The following CELF2 variants were observed in gnomAD, a reference collection of about 807,000 sequenced individuals.
The protein encoded by CELF2 is CUGBP Elav-like family member 2, also known as CUG triplet repeat RNA-binding protein 2.
CELF2 carries 8 observed loss-of-function variants against 62.6 expected under a neutral mutation model. The ratio of observed to expected loss-of-function variants is 0.13; its 90% CI spans 0.07 to 0.23. The LOEUF is 0.23. Ranked by LOEUF, CELF2 falls within the 10% of genes least tolerant of loss-of-function variation. The probability of loss-of-function intolerance (pLI) is 1.00; values close to 1 mark genes in which losing one functional copy is unlikely to be tolerated. For missense variants in CELF2, 333 were observed against 671.0 expected (o/e 0.50, Z 5.56); for synonymous variants, 258 against 250.0 (o/e 1.03, Z -0.30).
chr10:10,658,570 A>G, the CELF2 span, among the ~76,000 whole-genome samples: 1 of 152,150 alleles, frequency 6.6e-6, no homozygotes, highest in East Asian at 1.9e-4. Context: ...ATCTTGGCCA[A>G]TTTGCTAACT....
chr10:11,184,132 A>G (rs2074226372), intron 2 of CELF2, among the ~76,000 whole-genome samples: 1 of 152,196 alleles, frequency 6.6e-6, no homozygotes, highest in South Asian at 2.1e-4. Context: ...GCATGTGGAT[A>G]TTCAATTGTT....
At chr10:10,612,568 C>A in the CELF2 span, among the ~76,000 whole-genome samples, 1 of 152,182 alleles carries the variant, frequency 6.6e-6, no homozygotes, top group Non-Finnish European at 1.5e-5. Flanking sequence ...TGTTCTGCAG[C>A]AGAAGATGCT....
At chr10:10,785,221 A>G in the CELF2 span, among the ~76,000 whole-genome samples, 2 of 152,174 alleles carry the variant, frequency 1.3e-5, no homozygotes, top group Non-Finnish European at 2.9e-5. Flanking sequence ...TTACATCAGC[A>G]TCACCTGGAA....
At chr10:10,699,863 A>G in the CELF2 span, among the ~76,000 whole-genome samples, 1 of 152,210 alleles carries the variant, frequency 6.6e-6, no homozygotes, top group East Asian at 1.9e-4. Context: ...CCTATTGTGA[A>G]GAATAGAACA....
At chr10:11,317,928 G>A (rs1481628305) in intron 10 of CELF2, 6 of 152,190 alleles carry the variant, frequency 3.9e-5, no homozygotes, top group Non-Finnish European at 7.3e-5. Context: ...GAATGGAGAT[G>A]ATAATAATAA....
chr10:10,551,585 C>T, the CELF2 span, among the ~76,000 whole-genome samples: 6 of 152,124 alleles, frequency 3.9e-5, no homozygotes, highest in African/African-American at 1.4e-4. Flanking sequence ...AGCAAGTGTA[C>T]TAATACTTAG....
chr10:10,945,792 C>T (rs2047602814), intron 2 of CELF2, among the ~76,000 whole-genome samples: 1 of 152,168 alleles, frequency 6.6e-6, no homozygotes, highest in African/African-American at 2.4e-5. Context: ...CCTCAGCAGC[C>T]ACTCCAGGAT....
chr10:10,924,090 G>A (rs926954139), intron 2 of CELF2: 2 of 151,896 alleles, frequency 1.3e-5, no homozygotes, highest in Non-Finnish European at 2.9e-5. Context: ...ATTTTGGATA[G>A]CAAAGTAAAG....
intron 4 of CELF2, among the ~76,000 whole-genome samples, chr10:11,252,545 G>A (rs192171834): frequency 2.4e-4 from 37 of 152,326 alleles, no homozygotes; most frequent in African/African-American, 7.2e-4. Context: ...TCCATCGAGC[G>A]ATTCTGAGAG....
rs149504948 is a variant in CELF2, at chr10:11,070,217, G to A, written c.74+52054G>A. Among the ~76,000 whole-genome samples the A allele has an allele frequency of 5.3e-3, 800 of 152,252 alleles. 4 individuals carry two copies. The highest frequency in any genetic ancestry group is 9.6e-3 in the Admixed American group (147 of 15,286). On this transcript the variant is annotated intron_variant, in intron 1 of 12. Transcript: ENST00000633077. ...AAAGGAGGAGGGAAGAGAATTTCAG[G>A]TAGAGAGAACAACACATGCAAAGGA...
chr10:10,493,714 TAG>T, the CELF2 span, among the ~76,000 whole-genome samples: 1 of 152,012 alleles, frequency 6.6e-6, no homozygotes, highest in Non-Finnish European at 1.5e-5. Flanking sequence ...GTATGTTTTG[TAG>T]AGAGAGGGTT....
At chr10:10,660,517 G>C in the CELF2 span, among the ~76,000 whole-genome samples, 94 of 152,202 alleles carry the variant, frequency 6.2e-4, no homozygotes, top group Non-Finnish European at 1.2e-3. Context: ...TTCTCCACCC[G>C]CTCCATTCAG....
chr10:10,954,205 AATTT>A (rs1217762429), intron 2 of CELF2, among the ~76,000 whole-genome samples: 9 of 141,680 alleles, frequency 6.4e-5, no homozygotes, highest in Non-Finnish European at 9.1e-5. Flanking sequence ...GCAATTTGGC[AATTT>A]ATTTATTATT....
intron 11 of CELF2, among the ~76,000 whole-genome samples, chr10:11,322,877 G>A (rs1342252065): frequency 6.6e-6 from 1 of 152,056 alleles, no homozygotes; most frequent in Middle Eastern, 3.2e-3. Flanking sequence ...AAAGGCCTGT[G>A]TGTGTTCCTT....
intron 1 of CELF2, among the ~76,000 whole-genome samples, chr10:10,914,124 CT>C (rs56299340): frequency 0.55 from 40,845 of 74,588 alleles, 5,941 homozygotes; most frequent in East Asian, 0.72. Flanking sequence ...TCTATTTTAC[CT>C]TTTTTTAAAA....
chr10:10,782,171 G>T, the CELF2 span, among the ~76,000 whole-genome samples: 1 of 152,160 alleles, frequency 6.6e-6, no homozygotes, highest in Non-Finnish European at 1.5e-5. Flanking sequence ...CTGTATATAG[G>T]AAGAAATTTA....
chr10:10,810,894 A>C (rs2055805429), intron 1 of CELF2, among the ~76,000 whole-genome samples: 1 of 152,218 alleles, frequency 6.6e-6, no homozygotes, highest in African/African-American at 2.4e-5. Context: ...AATAATTTCC[A>C]ACTCAGGCAT....
chr10:11,049,282 A>G (rs1392360665), intron 1 of CELF2, among the ~76,000 whole-genome samples: 1 of 151,718 alleles, frequency 6.6e-6, no homozygotes, highest in Non-Finnish European at 1.5e-5. Flanking sequence ...TCAAGTGAGA[A>G]TCTCAGCAAA....
intron 1 of CELF2, among the ~76,000 whole-genome samples, chr10:11,026,397 G>A (rs532138458): frequency 6.6e-6 from 1 of 152,166 alleles, no homozygotes; most frequent in African/African-American, 2.4e-5. Context: ...CACACACCCA[G>A]GTGTTTTCTC....
Sources: allele counts gnomAD v4.1 joint callset (sites outside exome capture counted in the v4.1 genomes callset), GRCh38; gene constraint gnomAD v4.1.1; transcripts MANE v1.5; gene names NCBI Gene and HGNC (gene_info 2026-07-23, HGNC 2026-07-21).